Variants in DMD observed in about 807,000 individuals in gnomAD.
DMD encodes dystrophin.
DMD carries 63 observed loss-of-function variants against 330.1 expected under a neutral mutation model. That is an observed-to-expected ratio of 0.19 (90% confidence interval 0.16 to 0.24). The LOEUF is 0.24. DMD is among the 10% of genes least tolerant of loss of function. DMD has a pLI of 1.00. For missense variants in DMD, 3,344 were observed against 2,684.1 expected, an observed-to-expected ratio of 1.25 and a Z score of -5.43; for synonymous variants, 1,223 against 959.8, an observed-to-expected ratio of 1.27 and a Z score of -5.07.
At chrX:32,469,492 T>C (rs1432379330) in intron 22 of DMD, among the ~76,000 whole-genome samples, 1 of 111,239 alleles carries the variant, frequency 9.0e-6, no homozygotes, top group Non-Finnish European at 1.9e-5. Context: ...TCCCCTATAA[T>C]GTGACCTATA....
intron 43 of DMD, among the ~76,000 whole-genome samples, chrX:32,247,080 T>C (rs1423661602): frequency 1.8e-5 from 2 of 111,796 alleles, no homozygotes; most frequent in Non-Finnish European, 3.8e-5. Flanking sequence ...AAAACGATTG[T>C]CAAAGAAAGA....
chrX:32,768,249 T>G (rs1450988507), intron 7 of DMD, among the ~76,000 whole-genome samples: 1 of 112,280 alleles, frequency 8.9e-6, no homozygotes, highest in Non-Finnish European at 1.9e-5. Context: ...AGACTGAAAT[T>G]AGATTTCCGT....
chrX:31,971,433 T>C (rs990680930), intron 44 of DMD, among the ~76,000 whole-genome samples: 11 of 111,622 alleles, frequency 9.9e-5, no homozygotes, highest in African/African-American at 3.6e-4. Flanking sequence ...AGCAATAATT[T>C]AAAATTGTTA....
In DMD at chrX:32,435,297, T is replaced by TATATATATATATATATATATA. The variant is rs1557355914; in HGVS notation, c.4071+2943_4071+2944insTATATATATATATATATATAT. ...TTACATATATATATATATATATATATTTACACCCATACAAACACACACACA... is the reference window on the plus strand; with the variant it reads ...TTACATATATATATATATATATATATATATATATATATATATATATATTACACCCATACAAACACACACACA... On this transcript the variant is annotated intron_variant, in intron 29 of 78. Coordinates refer to ENST00000357033, the MANE Select transcript of DMD (RefSeq NM_004006.3). Among the ~76,000 whole-genome samples, 72 of 99,215 alleles carry TATATATATATATATATATATA rather than the reference T, an allele frequency of 7.3e-4. 1 individual carries two copies. The highest frequency in any genetic ancestry group is 1.7e-3 in the East Asian group (5 of 3,015). The allele number at this position is 99,215 out of a possible 115,157, so 86.2% of individuals were successfully genotyped here. A position where few individuals can be genotyped will look rare whatever the true frequency, so the allele number is the denominator to read the frequency against.
intron 60 of DMD, among the ~76,000 whole-genome samples, chrX:31,375,013 A>G (rs1256404536): frequency 1.8e-5 from 2 of 110,707 alleles, no homozygotes. Context: ...ACACAGCTAC[A>G]TCCCCTCCCT....
At chrX:33,175,011 T>G (rs1313597898) in intron 1 of DMD, among the ~76,000 whole-genome samples, 1 of 111,988 alleles carries the variant, frequency 8.9e-6, no homozygotes, top group African/African-American at 3.2e-5. Context: ...GGCTTAGCTT[T>G]CTTTCTCAGC....
intron 45 of DMD, among the ~76,000 whole-genome samples, chrX:31,944,643 GTTTGT>G (rs1262898767): frequency 2.2e-5 from 2 of 88,930 alleles, no homozygotes; most frequent in Non-Finnish European, 4.5e-5. Context: ...ACTCCTGTTT[GTTTGT>G]TTTGTTTTGT....
intron 16 of DMD, among the ~76,000 whole-genome samples, chrX:32,562,191 G>A (rs2051097186): frequency 8.9e-6 from 1 of 111,827 alleles, no homozygotes; most frequent in Non-Finnish European, 1.9e-5. Flanking sequence ...CCTCCAGATA[G>A]CAAGAGTTAT....
chrX:32,909,431 G>GAGT (rs1317718807), intron 2 of DMD, among the ~76,000 whole-genome samples: 2 of 111,550 alleles, frequency 1.8e-5, no homozygotes, highest in Non-Finnish European at 3.8e-5. Context: ...GGGTAATGAG[G>GAGT]AGTATCTCGC....
rs2081193886 is a variant in DMD, at chrX:31,662,655, A to G, written c.7873-4511T>C. The stretch of plus-strand genomic sequence containing the variant: ...CAAGAAAGGCAGTGCAGAGTAACGA[A>G]AGGACATCTTCCCAGGAAGTTTTGC... On this transcript the variant is annotated intron_variant, in intron 53 of 78. Transcript: ENST00000357033. Among the ~76,000 whole-genome samples, 3 of 111,707 alleles carry G rather than the reference A, an allele frequency of 2.7e-5. 1 individual carries two copies. In the Admixed American group the frequency reaches 2.9e-4, roughly 11 times the overall value.
intron 1 of DMD, among the ~76,000 whole-genome samples, chrX:33,226,753 A>G (rs2052297953): frequency 9.1e-6 from 1 of 110,108 alleles, no homozygotes; most frequent in African/African-American, 3.3e-5. Context: ...TTTCTGTATT[A>G]TTTCTTACAA....
chrX:32,974,220 T>C (rs1412112884), intron 2 of DMD, among the ~76,000 whole-genome samples: 1 of 111,863 alleles, frequency 8.9e-6, no homozygotes. Context: ...ATTCCATTTA[T>C]ATGAAATGTC....
chrX:32,422,857 TG>T (rs1422732889), intron 29 of DMD, among the ~76,000 whole-genome samples: 13 of 111,147 alleles, frequency 1.2e-4, no homozygotes. Flanking sequence ...CAAGAATCTA[TG>T]AAGTAGCTTG....
intron 44 of DMD, among the ~76,000 whole-genome samples, chrX:32,183,014 G>T (rs768334414): frequency 2.7e-5 from 3 of 111,027 alleles, no homozygotes; most frequent in African/African-American, 9.8e-5. Flanking sequence ...CAGGAATCCT[G>T]GAAAAGAGGA....
At chrX:31,222,956 C>T in intron 64 of DMD, 91 bp downstream of exon 64, 1 of 766,366 alleles carries the variant, frequency 1.3e-6, no homozygotes, top group Non-Finnish European at 2.0e-6. Context: ...ACAGCTGTTT[C>T]TCCCCTCTCT....
chrX:33,230,020 T>A (rs942490147), intron 1 of DMD, among the ~76,000 whole-genome samples: 19 of 112,578 alleles, frequency 1.7e-4, no homozygotes, highest in Non-Finnish European at 3.6e-4. Context: ...TTGTCTGCTA[T>A]GCATGTGATT....
chrX:31,543,530 A>C (rs1237099685), intron 55 of DMD, among the ~76,000 whole-genome samples: 1 of 112,226 alleles, frequency 8.9e-6, no homozygotes, highest in East Asian at 2.8e-4. Context: ...ACACACATCC[A>C]ACACCAACTA....
At chrX:31,910,535 G>A (rs2094534215) in intron 47 of DMD, among the ~76,000 whole-genome samples, 1 of 112,114 alleles carries the variant, frequency 8.9e-6, no homozygotes, top group Admixed American at 9.5e-5. Context: ...CAGGCTTGGT[G>A]TAGATATAAA....
chrX:31,839,789 T>C (rs769231476), intron 48 of DMD, among the ~76,000 whole-genome samples: 2 of 111,833 alleles, frequency 1.8e-5, no homozygotes, highest in Non-Finnish European at 3.8e-5. Flanking sequence ...ATTTATATGA[T>C]TTAGCATGAA....
Sources: gnomAD v4.1 joint callset for allele counts (sites outside exome capture counted in the v4.1 genomes callset) on GRCh38, gnomAD v4.1.1 for gene constraint, MANE v1.5 for transcripts, NCBI Gene and HGNC (gene_info 2026-07-23, HGNC 2026-07-21) for gene names.